The following DST variants were observed in gnomAD, a reference collection of about 807,000 sequenced individuals.
DST encodes the protein dystonin.
A neutral mutation model predicts 875.2 loss-of-function variants in DST; 253 were observed. That is an observed-to-expected ratio of 0.29 (90% CI 0.26 to 0.32). The LOEUF (loss-of-function observed/expected upper bound fraction) is 0.32, where lower values mean the gene tolerates loss of function less well. DST is among the 10% of genes least tolerant of loss of function. DST has a pLI of 1.00. For missense variants in DST, 8,287 were observed against 9,111.6 expected, an observed-to-expected ratio of 0.91 and a Z score of 3.68; for synonymous variants, 3,124 against 3,197.1, an observed-to-expected ratio of 0.98 and a Z score of 0.77.
At chr6:56,487,341 C>A in intron 86 of DST, 68 bp from the exon 87 acceptor site, 1 of 1,308,720 alleles carries the variant, frequency 7.6e-7, no homozygotes, top group Non-Finnish European at 1.0e-6. Context: ...GAGGCATTAA[C>A]AGAGGCATCC....
intron 4 of DST, among the ~76,000 whole-genome samples, chr6:56,785,177 TGAG>T (rs1401343410): frequency 6.6e-6 from 1 of 152,212 alleles, no homozygotes; most frequent in Non-Finnish European, 1.5e-5. Context: ...GGGACCCACC[TGAG>T]GAGGCAGTCT....
At position 56,636,398 on chromosome 6, in the gene DST, G is replaced by GTGTGTATATATATACACACATATA. The variant is rs1245137186; in HGVS notation, c.3060+135_3060+158dup. Among the ~76,000 whole-genome samples the GTGTGTATATATATACACACATATA allele has an allele frequency of 2.9e-3, 437 of 150,106 alleles. 3 individuals are homozygous for GTGTGTATATATATACACACATATA. The highest frequency in any genetic ancestry group is 6.9e-3 in the Middle Eastern group (2 of 288). On this transcript the variant is annotated intron_variant, in intron 23 of 103. Transcript: ENST00000680361. ...TACACACATATATGTGTATACGTAT[G>GTGTGTATATATATACACACATATA]TGTGTATATATATACACACATATAT... is the stretch of plus-strand genomic sequence containing the variant.
At chr6:56,557,629 AT>A in intron 58 of DST, 111 bp from the exon 59 acceptor site, 1 of 812,166 alleles carries the variant, frequency 1.2e-6, no homozygotes, top group Non-Finnish European at 1.9e-6. Context: ...CTATAATCCC[AT>A]TTTTATGACT....
intron 4 of DST, among the ~76,000 whole-genome samples, chr6:56,787,093 A>C (rs1313175235): frequency 1.3e-5 from 2 of 152,166 alleles, no homozygotes; most frequent in Non-Finnish European, 2.9e-5. Flanking sequence ...AGGTACAATC[A>C]ATGTTCTCAT....
intron 9 of DST, among the ~76,000 whole-genome samples, chr6:56,693,708 C>T (rs1588702779): frequency 1.3e-5 from 2 of 151,758 alleles, no homozygotes; most frequent in Non-Finnish European, 2.9e-5. Context: ...TTAAGAAATA[C>T]CAACTAATTT....
intron 2 of DST, among the ~76,000 whole-genome samples, chr6:56,901,291 A>G (rs1793949772): frequency 6.6e-6 from 1 of 152,246 alleles, no homozygotes; most frequent in South Asian, 2.1e-4. Context: ...AGTTTTAAAT[A>G]ACATAAATAT....
Position 56,692,805 on chromosome 6 carries a change from A to G in DST, c.1047+6848T>C, listed in dbSNP as rs763311232. The G allele has an allele frequency of 3.1e-6, 4 of 1,289,858 alleles. No homozygotes were observed. The South Asian group carries it at 4.9e-5, about 16-fold the overall frequency. The allele number at this position is 1,289,858 out of a possible 1,614,324, so 79.9% of individuals were successfully genotyped here. ...TCACACAGTCAGACCAACTGCTTACAGCACTCGGCAGAAGTTTCTGTTTAA... is the reference window on the plus strand; with the variant it reads ...TCACACAGTCAGACCAACTGCTTACGGCACTCGGCAGAAGTTTCTGTTTAA... On this transcript the variant is annotated intron_variant, in intron 9 of 103. Transcript: ENST00000680361.
intron 3 of DST, chr6:56,851,966 C>T: frequency 6.8e-7 from 1 of 1,479,548 alleles, no homozygotes. Flanking sequence ...TATTTGGCTC[C>T]CCCACCAGGA....
chr6:56,827,429 C>A (rs2099781971), intron 4 of DST, among the ~76,000 whole-genome samples: 1 of 148,844 alleles, frequency 6.7e-6, no homozygotes, highest in African/African-American at 2.5e-5. Context: ...ATCACTTGAA[C>A]CCAGAAGGCG....
At chr6:56,558,423 C>A (rs2097466686) in intron 58 of DST, among the ~76,000 whole-genome samples, 1 of 152,052 alleles carries the variant, frequency 6.6e-6, no homozygotes, top group Non-Finnish European at 1.5e-5. Flanking sequence ...GATTTCTGGG[C>A]TCTACCCTGA....
chr6:56,646,173 T>C lies in DST; in HGVS notation c.1564A>G (p.Asn522Asp). 1 of 1,480,762 alleles carries C rather than the reference T, an allele frequency of 6.8e-7. No homozygotes were observed. Among genetic ancestry groups the C allele is most frequent in the Non-Finnish European group, 9.1e-7 (1 of 1,099,296 alleles). The allele number at this position is 1,480,762 out of a possible 1,614,324, so 91.7% of individuals were successfully genotyped here. The change falls in exon 14 of 104, where the codon AAT becomes GAT. Residue 522 changes from asparagine (N) to aspartate (D), a missense_variant. Around this residue, in one of 10 missense-constraint regions of DST, gnomAD observed 1,160 missense variants for 1,424.3 expected, o/e 0.81. Coordinates refer to ENST00000680361, the MANE Select transcript of DST (RefSeq NM_001374736.1). ...NNPVELKALY[N>D]QYLQFKETEI... is the part of the protein sequence containing the mutation. The stretch of plus-strand genomic sequence containing the variant: ...GTTTCTTTAAACTGTAAATACTGAT[T>C]ATAAAGTGCCTAAAATAAAAAGGAC...
At chr6:56,486,896 C>A (rs2095589377) in intron 87 of DST, among the ~76,000 whole-genome samples, 1 of 152,164 alleles carries the variant, frequency 6.6e-6, no homozygotes, top group Admixed American at 6.5e-5. Context: ...ACAATGATAT[C>A]ACTTTTTATT....
chr6:56,611,739 TAGC>T, intron 37 of DST, 143 bp from the exon 38 acceptor site: 1 of 609,984 alleles, frequency 1.6e-6, no homozygotes, highest in Non-Finnish European at 2.9e-6. Context: ...TATCAGTTAT[TAGC>T]AGTCTATAGA....
chr6:56,610,006 A>G (rs1424978501), intron 39 of DST, among the ~76,000 whole-genome samples: 1 of 152,188 alleles, frequency 6.6e-6, no homozygotes, highest in Non-Finnish European at 1.5e-5. Context: ...TCCTCACTAT[A>G]ATGTATGGCC....
intron 80 of DST, among the ~76,000 whole-genome samples, chr6:56,498,618 G>T (rs1223763304): frequency 6.6e-6 from 1 of 152,016 alleles, no homozygotes; most frequent in Non-Finnish European, 1.5e-5. Flanking sequence ...TAATTCTCAT[G>T]TCAAGTAACC....
At chr6:56,832,446 C>T (rs2099788273) in intron 4 of DST, among the ~76,000 whole-genome samples, 1 of 152,132 alleles carries the variant, frequency 6.6e-6, no homozygotes, top group Non-Finnish European at 1.5e-5. Flanking sequence ...ACGTGACTTG[C>T]CCCTCCTTGC....
intron 90 of DST, 65 bp from the exon 91 acceptor site, chr6:56,477,553 T>C (rs2095249723): frequency 4.1e-5 from 65 of 1,589,728 alleles, no homozygotes; most frequent in Non-Finnish European, 5.5e-5. Flanking sequence ...TCTGGTGGCA[T>C]TTGTTTGACT....
intron 56 of DST, 126 bp from the exon 57 acceptor site, chr6:56,561,675 T>C (rs2097537602): frequency 2.3e-6 from 2 of 853,784 alleles, no homozygotes; most frequent in Non-Finnish European, 3.5e-6. Context: ...GCCTAGTAGA[T>C]AAAGTCATAA....
intron 16 of DST, 137 bp from the exon 17 acceptor site, chr6:56,642,238 C>T: frequency 1.1e-6 from 1 of 894,426 alleles, no homozygotes; most frequent in Non-Finnish European, 1.8e-6. Context: ...AATATGTTTT[C>T]CCTCTTCTTG....
Sources: allele counts gnomAD v4.1 joint callset (sites outside exome capture counted in the v4.1 genomes callset), GRCh38; gene constraint gnomAD v4.1.1; regional missense constraint gnomAD v4.1.1; transcripts MANE v1.5; gene names NCBI Gene and HGNC (gene_info 2026-07-23, HGNC 2026-07-21).